CEMIP2: variants seen among roughly 807,000 people sequenced by gnomAD.
The protein encoded by CEMIP2 is cell migration inducing hyaluronidase 2.
In CEMIP2, 79 loss-of-function variants were observed where a neutral mutation model predicts 146.9. The observed-to-expected ratio is 0.54, with a 90% CI of 0.45 to 0.65. The LOEUF (loss-of-function observed/expected upper bound fraction) is 0.65, where lower values mean the gene tolerates loss of function less well. Among genes scored for constraint, CEMIP2 ranks in the 30% least tolerant of loss-of-function variants. CEMIP2 has a pLI of 0.00. For missense variants in CEMIP2, 1,596 were observed against 1,696.2 expected, an observed-to-expected ratio of 0.94 and a Z score of 1.04; for synonymous variants, 601 against 606.3, an observed-to-expected ratio of 0.99 and a Z score of 0.13.
At chr9:71,690,520 G>A (rs573764524) in intron 21 of CEMIP2, among the ~76,000 whole-genome samples, 50 of 152,294 alleles carry the variant, frequency 3.3e-4, no homozygotes, top group African/African-American at 1.0e-3. Context: ...GCTAAGCTGG[G>A]TGACTTCACT....
intron 10 of CEMIP2, among the ~76,000 whole-genome samples, chr9:71,728,261 G>T (rs1315612897): frequency 9.9e-4 from 5 of 5,028 alleles, no homozygotes; most frequent in Admixed American, 3.1e-3. Flanking sequence ...GTATATACAC[G>T]TATATATATA....
intron 1 of CEMIP2, among the ~76,000 whole-genome samples, chr9:71,762,728 A>T (rs549813369): frequency 8.5e-5 from 13 of 152,300 alleles, no homozygotes; most frequent in African/African-American, 2.6e-4. Flanking sequence ...AAGCAATGTT[A>T]GTATGGGTGC....
In CEMIP2 at chr9:71,684,277, A is replaced by G. The variant is rs1821990871; in HGVS notation, c.*920T>C. On this transcript the variant is annotated 3_prime_UTR_variant, in exon 24 of 24. Coordinates refer to ENST00000377044, the MANE Select transcript of CEMIP2 (RefSeq NM_013390.3). The stretch of plus-strand genomic sequence containing the variant: ...AGCTTTAAAAAATCCACACAAAACA[A>G]TAACAAAAAACCCAAGTGCAAGAGC... 1 of 152,270 alleles carries G rather than the reference A, an allele frequency of 6.6e-6. No individual in the cohort carries two copies. The allele number at this position is 152,270 out of a possible 1,614,324, so 9.4% of individuals were successfully genotyped here.
chr9:71,712,937 T>C (rs947709448), intron 15 of CEMIP2, among the ~76,000 whole-genome samples: 32 of 152,226 alleles, frequency 2.1e-4, no homozygotes, highest in African/African-American at 7.7e-4. Context: ...ATTCTTTAAT[T>C]GCATGGCAGA....
At chr9:71,725,538 A>G (rs758472522) in intron 11 of CEMIP2, 43 bp downstream of exon 11, 1 of 1,589,568 alleles carries the variant, frequency 6.3e-7, no homozygotes, top group Non-Finnish European at 8.6e-7. Context: ...CATCCTTTAC[A>G]CTGTCTAGCA....
At chr9:71,698,391 G>GT in intron 19 of CEMIP2, 187 bp from the exon 20 acceptor site, 1 of 586,796 alleles carries the variant, frequency 1.7e-6, no homozygotes. Context: ...GTCAAATGCA[G>GT]TAACACTTTA....
At chr9:71,693,212 C>T (rs1822285246) in intron 21 of CEMIP2, among the ~76,000 whole-genome samples, 1 of 152,182 alleles carries the variant, frequency 6.6e-6, no homozygotes, top group Non-Finnish European at 1.5e-5. Flanking sequence ...AAAAACCAAG[C>T]CCCTAAAAAG....
At chr9:71,699,774 T>C (rs1325499589) in intron 19 of CEMIP2, among the ~76,000 whole-genome samples, 1 of 152,140 alleles carries the variant, frequency 6.6e-6, no homozygotes, top group East Asian at 1.9e-4. Flanking sequence ...TTTTTCCATC[T>C]CCTCCTAAGT....
intron 12 of CEMIP2, among the ~76,000 whole-genome samples, chr9:71,718,383 T>C (rs1255471851): frequency 1.3e-5 from 2 of 152,174 alleles, no homozygotes; most frequent in Non-Finnish European, 2.9e-5. Context: ...TCAGGAAGTA[T>C]GTCATGTGTG....
At chr9:71,732,173 C>G (rs1823638770) in intron 7 of CEMIP2, among the ~76,000 whole-genome samples, 178 bp downstream of exon 7, 1 of 152,160 alleles carries the variant, frequency 6.6e-6, no homozygotes, top group Admixed American at 6.5e-5. Flanking sequence ...TCCAGGTCAA[C>G]TAACTGAAGT....
At chr9:71,742,083 T>C (rs894891090) in intron 4 of CEMIP2, among the ~76,000 whole-genome samples, 1 of 152,192 alleles carries the variant, frequency 6.6e-6, no homozygotes, top group African/African-American at 2.4e-5. Context: ...AAGAAAAATG[T>C]CAACTTCCCA....
intron 10 of CEMIP2, among the ~76,000 whole-genome samples, chr9:71,726,013 TA>T (rs1410644776): frequency 1.3e-5 from 2 of 152,226 alleles, no homozygotes; most frequent in Non-Finnish European, 2.9e-5. Flanking sequence ...TATGCAGAAT[TA>T]AAACCAAATC....
intron 2 of CEMIP2, among the ~76,000 whole-genome samples, chr9:71,747,552 C>T (rs1353417660): frequency 6.6e-6 from 1 of 152,068 alleles, no homozygotes; most frequent in Non-Finnish European, 1.5e-5. Flanking sequence ...TTCAGAATTC[C>T]AAGGTGGCTT....
chr9:71,725,888 T>A (rs1823369775), intron 10 of CEMIP2, among the ~76,000 whole-genome samples, 179 bp from the exon 11 acceptor site: 1 of 152,214 alleles, frequency 6.6e-6, no homozygotes, highest in Non-Finnish European at 1.5e-5. Flanking sequence ...TTATATCATG[T>A]ATTTTTTTAA....
chr9:71,691,329 A>G (rs1266513179), intron 21 of CEMIP2, among the ~76,000 whole-genome samples: 1 of 151,224 alleles, frequency 6.6e-6, no homozygotes, highest in Non-Finnish European at 1.5e-5. Context: ...GAGGCAGGAG[A>G]ATCATTTGAA....
intron 5 of CEMIP2, among the ~76,000 whole-genome samples, chr9:71,735,479 CTTAATA>C (rs962116991): frequency 1.6e-4 from 24 of 152,216 alleles, no homozygotes; most frequent in African/African-American, 1.7e-4. Context: ...CACTAACAAT[CTTAATA>C]TTAAGAATAA....
At chr9:71,753,781 TA>T (rs1824329183) in intron 1 of CEMIP2, among the ~76,000 whole-genome samples, 1 of 152,166 alleles carries the variant, frequency 6.6e-6, no homozygotes. Flanking sequence ...ATTAATTACT[TA>T]AAAATATATT....
chr9:71,742,520 T>C (rs1189121488), intron 4 of CEMIP2, among the ~76,000 whole-genome samples: 1 of 152,204 alleles, frequency 6.6e-6, no homozygotes, highest in African/African-American at 2.4e-5. Flanking sequence ...ATAACGTCAA[T>C]GCAATGGAAC....
At chr9:71,735,121 C>T (rs779534018) in intron 5 of CEMIP2, 127 bp from the exon 6 acceptor site, 27 of 1,052,884 alleles carry the variant, frequency 2.6e-5, no homozygotes, top group Non-Finnish European at 3.2e-5. Context: ...CAAATTTTTA[C>T]GCATGCTACC....
Sources: gnomAD v4.1 joint callset for allele counts (sites outside exome capture counted in the v4.1 genomes callset) on GRCh38, gnomAD v4.1.1 for gene constraint, MANE v1.5 for transcripts, NCBI Gene and HGNC (gene_info 2026-07-23, HGNC 2026-07-21) for gene names.